SAFB: variants seen among roughly 807,000 people sequenced by gnomAD.
SAFB encodes scaffold attachment factor B1.
SAFB carries 15 observed loss-of-function variants against 101.6 expected under a neutral mutation model. That is an observed-to-expected ratio of 0.15 (90% CI 0.10 to 0.23). The LOEUF (loss-of-function observed/expected upper bound fraction) is 0.23. SAFB is among the 10% of genes least tolerant of loss of function. SAFB has a pLI of 1.00. For synonymous variants in SAFB, 449 were observed against 407.5 expected (o/e 1.10, Z -1.23); for missense variants, 930 against 1,104.1 (o/e 0.84, Z 2.23).
intron 2 of SAFB, among the ~76,000 whole-genome samples, chr19:5,633,864 T>C (rs1468271682): frequency 6.6e-6 from 1 of 152,056 alleles, no homozygotes; most frequent in African/African-American, 2.4e-5. Flanking sequence ...GGCCAGTACT[T>C]GGTTTGTGAG....
intron 8 of SAFB, 46 bp from the exon 9 acceptor site, chr19:5,650,932 A>G: frequency 8.4e-7 from 1 of 1,191,016 alleles, no homozygotes; most frequent in South Asian, 1.3e-5. Flanking sequence ...AAGACTCAAG[A>G]TCTTGTGGGT....
chr19:5,625,026 C>G (rs1294472095), intron 1 of SAFB, among the ~76,000 whole-genome samples: 1 of 152,182 alleles, frequency 6.6e-6, no homozygotes, highest in Non-Finnish European at 1.5e-5. Context: ...ACTGAGACTT[C>G]CCATCACTCG....
chr19:5,645,390 T>A lies in SAFB; in HGVS notation c.600T>A (p.Thr200=). 1 of 1,357,904 alleles carries A rather than the reference T, an allele frequency of 7.4e-7. No individual in the cohort carries two copies. The highest frequency in any genetic ancestry group is 1.1e-6 in the Non-Finnish European group (1 of 947,864). The allele number at this position is 1,357,904 out of a possible 1,614,324, so 84.1% of individuals were successfully genotyped here. Residue 200 remains threonine, a synonymous_variant, in exon 5 of 21, where the codon ACT becomes ACA. Transcript: ENST00000588852. ...NNLDTSSSDF[T]ILQEIEEPSL... ...TAGATACTTCATCATCTGACTTCACTATATTACAGGTAAACTGTTGTATGT... is the reference window on the plus strand; with the variant it reads ...TAGATACTTCATCATCTGACTTCACAATATTACAGGTAAACTGTTGTATGT...
At chr19:5,650,918 C>T (rs2053924959) in intron 8 of SAFB, 60 bp from the exon 9 acceptor site, 1 of 1,090,310 alleles carries the variant, frequency 9.2e-7, no homozygotes, top group East Asian at 2.4e-5. Context: ...GAAAGGTTGT[C>T]TCTAAGACTC....
At chr19:5,633,778 CA>C (rs555460053) in intron 2 of SAFB, among the ~76,000 whole-genome samples, 3,129 of 120,562 alleles carry the variant, frequency 0.026, 46 homozygotes, top group East Asian at 0.032. Flanking sequence ...GACTCCGTCT[CA>C]AAAAAAAAAA....
intron 12 of SAFB, 31 bp from the exon 13 acceptor site, chr19:5,654,337 T>C (rs998712653): frequency 1.2e-6 from 2 of 1,600,218 alleles, no homozygotes; most frequent in Admixed American, 3.3e-5. Flanking sequence ...TTCTTGGTTT[T>C]CCACTTACAC....
chr19:5,641,496 A>G (rs1440729183), intron 2 of SAFB, 98 bp from the exon 3 acceptor site: 1 of 955,466 alleles, frequency 1.0e-6, no homozygotes, highest in Non-Finnish European at 1.6e-6. Flanking sequence ...GGTGTCTCAG[A>G]TGTTTATAAA....
At position 5,667,763 on chromosome 19, in the gene SAFB, C is replaced by A; in HGVS notation, c.2558-57C>A. 6.4e-7 allele frequency: 1 copy of A among 1,570,332 alleles called. No individual in the cohort carries two copies. Among genetic ancestry groups the A allele is most frequent in the South Asian group, 1.1e-5 (1 of 89,564 alleles). ...AGGGAGTGGAGTGGGCTAAATGTGC[C>A]GTGGGTTCCACGCCGTGTGCGCAAG... is the stretch of plus-strand genomic sequence containing the variant. On this transcript the variant is annotated intron_variant, in intron 19 of 20. Transcript: ENST00000588852. This position sits in a 1 kb window ranked among gnomAD's most constrained non-coding sequence, Gnocchi z 4.0.
rs1474159604 is a variant in SAFB at position 5,667,975 on chromosome 19, A to G, written c.2624+89A>G. Reference sequence around the variant, plus strand: ...GCTTAACAACCAAGTCCTTCCAGCTAGTGCCCCTCCCCCCAAGGGTGACGT... The same window carrying G: ...GCTTAACAACCAAGTCCTTCCAGCTGGTGCCCCTCCCCCCAAGGGTGACGT... On this transcript the variant is annotated intron_variant, in intron 20 of 20. Coordinates refer to ENST00000588852, the MANE Select transcript of SAFB (RefSeq NM_001201338.2). This position sits in a 1 kb window ranked among gnomAD's most constrained non-coding sequence, Gnocchi z 4.0. 6.9e-7 allele frequency: 1 copy of G among 1,449,258 alleles called. No homozygotes were observed. Among genetic ancestry groups the G allele is most frequent in the Non-Finnish European group, 9.4e-7 (1 of 1,066,654 alleles). The allele number at this position is 1,449,258 out of a possible 1,614,324, so 89.8% of individuals were successfully genotyped here. A position where few individuals can be genotyped will look rare whatever the true frequency, so the allele number is the denominator to read the frequency against.
At chr19:5,660,838 G>T (rs549724117) in intron 14 of SAFB, among the ~76,000 whole-genome samples, 1 of 151,628 alleles carries the variant, frequency 6.6e-6, no homozygotes, top group Admixed American at 6.6e-5. Context: ...CACTTGGGGG[G>T]CCTGCTAGCC....
intron 13 of SAFB, among the ~76,000 whole-genome samples, chr19:5,654,938 T>A (rs754946110): frequency 6.6e-6 from 1 of 152,222 alleles, no homozygotes; most frequent in Non-Finnish European, 1.5e-5. Context: ...GTTAACTTAT[T>A]TTCTAAAGCT....
At chr19:5,649,865 G>T (rs1186523858) in intron 7 of SAFB, 61 bp from the exon 8 acceptor site, 2 of 1,488,822 alleles carry the variant, frequency 1.3e-6, no homozygotes, top group Admixed American at 3.4e-5. Flanking sequence ...GAATTTTATG[G>T]TTTTGAGTTT....
intron 4 of SAFB, 149 bp from the exon 5 acceptor site, chr19:5,645,188 A>G (rs2053801115): frequency 2.1e-6 from 1 of 475,784 alleles, no homozygotes; most frequent in East Asian, 3.5e-5. Context: ...AGCTGCAATT[A>G]TACTATAATA....
intron 14 of SAFB, among the ~76,000 whole-genome samples, chr19:5,657,903 A>G (rs1183365344): frequency 6.6e-6 from 1 of 152,234 alleles, no homozygotes; most frequent in Non-Finnish European, 1.5e-5. Flanking sequence ...AATGCCTTCC[A>G]GCGTCAGTAG....
chr19:5,631,616 G>C (rs2053491149), intron 2 of SAFB, among the ~76,000 whole-genome samples: 1 of 152,140 alleles, frequency 6.6e-6, no homozygotes. Flanking sequence ...CTTGGACTTG[G>C]AGAAAATGAC....
intron 13 of SAFB, among the ~76,000 whole-genome samples, chr19:5,654,844 A>G (rs1304391194): frequency 1.3e-5 from 2 of 152,280 alleles, no homozygotes; most frequent in Non-Finnish European, 2.9e-5. Flanking sequence ...CTGGGATTAC[A>G]GGCATGAGCC....
chr19:5,627,465 C>T (rs2053391624), intron 2 of SAFB, among the ~76,000 whole-genome samples: 4 of 152,184 alleles, frequency 2.6e-5, no homozygotes, highest in South Asian at 2.1e-4. Context: ...GTAGGACTGC[C>T]TGAGCCTCCT....
chr19:5,648,944 C>T (rs1227940635), intron 6 of SAFB, 45 bp from the exon 7 acceptor site: 2 of 380,432 alleles, frequency 5.3e-6, no homozygotes, highest in Admixed American at 3.6e-5. Flanking sequence ...CTTTATTTCC[C>T]TGGTAATTAA....
intron 14 of SAFB, among the ~76,000 whole-genome samples, chr19:5,660,342 C>CTTTTTTTTTT (rs11360129): frequency 2.0e-5 from 1 of 50,936 alleles, no homozygotes. Flanking sequence ...CTGCACACAC[C>CTTTTTTTTTT]TTTTTTTTTT....
Sources: allele counts gnomAD v4.1 joint callset (sites outside exome capture counted in the v4.1 genomes callset), GRCh38; gene constraint gnomAD v4.1.1; non-coding constraint Gnocchi (gnomAD v3.1); transcripts MANE v1.5; gene names NCBI Gene and HGNC (gene_info 2026-07-23, HGNC 2026-07-21).